The following PRKCE variants were observed in gnomAD, a reference collection of about 807,000 sequenced individuals.
PRKCE encodes protein kinase C epsilon.
A neutral mutation model predicts 85.4 loss-of-function variants in PRKCE; 16 were observed. That is an observed-to-expected ratio of 0.19 (90% CI 0.13 to 0.28). The LOEUF (loss-of-function observed/expected upper bound fraction) is 0.28, where lower values mean the gene tolerates loss of function less well. PRKCE is among the 10% of genes least tolerant of loss of function. The probability of loss-of-function intolerance (pLI) is 1.00; values close to 1 mark genes in which losing one functional copy is unlikely to be tolerated. For synonymous variants in PRKCE, 388 were observed against 371.5 expected (o/e 1.04, Z -0.51); for missense variants, 573 against 975.2 (o/e 0.59, Z 5.49).
intron 10 of PRKCE, among the ~76,000 whole-genome samples, chr2:46,042,766 C>T (rs1708287203): frequency 6.6e-6 from 1 of 152,178 alleles, no homozygotes; most frequent in African/African-American, 2.4e-5. Flanking sequence ...AGCTAGAGAC[C>T]CCCACCTAGT....
intron 2 of PRKCE, among the ~76,000 whole-genome samples, chr2:45,913,995 C>G (rs1019062439): frequency 6.6e-6 from 1 of 152,174 alleles, no homozygotes; most frequent in African/African-American, 2.4e-5. Context: ...TATTTGTGGC[C>G]TACAAACTTA....
rs1170118246 is a variant in PRKCE at position 46,010,659 on chromosome 2, A to G, written c.1437+142A>G. ...TTTACCCTTGAAAAGATCAGGATGT[A>G]TTTGAACAGCATCTTCTTTTTTAGG... is the stretch of plus-strand genomic sequence containing the variant. On this transcript the variant is annotated intron_variant, in intron 10 of 14. Coordinates refer to ENST00000306156, the MANE Select transcript of PRKCE (RefSeq NM_005400.3). 1.9e-6 allele frequency: 3 copies of G among 1,598,922 alleles called. No individual in the cohort carries two copies. The African/African-American group carries it at 4.0e-5, about 21-fold the overall frequency.
chr2:46,108,296 C>G (rs1671929948), intron 11 of PRKCE, among the ~76,000 whole-genome samples: 1 of 152,190 alleles, frequency 6.6e-6, no homozygotes, highest in African/African-American at 2.4e-5. Flanking sequence ...TTCTCCCAGT[C>G]TGTGGCTTGA....
intron 1 of PRKCE, among the ~76,000 whole-genome samples, chr2:45,817,892 C>T (rs1057494219): frequency 1.3e-5 from 2 of 152,164 alleles, no homozygotes; most frequent in Non-Finnish European, 2.9e-5. Flanking sequence ...CATCTCACTG[C>T]CTGCTCTCAA....
intron 1 of PRKCE, among the ~76,000 whole-genome samples, chr2:45,667,247 G>A (rs1239690201): frequency 1.3e-5 from 2 of 151,694 alleles, no homozygotes; most frequent in Non-Finnish European, 2.9e-5. Context: ...GGAGGGGGAG[G>A]TTGCGGTGAG....
At chr2:46,060,744 CT>C (rs112560158) in intron 10 of PRKCE, among the ~76,000 whole-genome samples, 1,594 of 139,916 alleles carry the variant, frequency 0.011, 15 homozygotes, top group African/African-American at 0.032. Context: ...TTTCTCTCTC[CT>C]TTTTTTTTTT....
At chr2:46,176,082 T>C (rs917018490) in intron 14 of PRKCE, among the ~76,000 whole-genome samples, 3 of 152,110 alleles carry the variant, frequency 2.0e-5, no homozygotes, top group Non-Finnish European at 2.9e-5. Flanking sequence ...TGAGAACCAC[T>C]GTGTTAAAAA....
intron 2 of PRKCE, among the ~76,000 whole-genome samples, chr2:45,877,058 A>G (rs762992120): frequency 6.6e-6 from 1 of 151,902 alleles, no homozygotes; most frequent in Non-Finnish European, 1.5e-5. Flanking sequence ...TTTCTGGATA[A>G]TATAACCACC....
At chr2:46,161,424 G>T (rs1677747061) in intron 14 of PRKCE, among the ~76,000 whole-genome samples, 1 of 152,236 alleles carries the variant, frequency 6.6e-6, no homozygotes, top group African/African-American at 2.4e-5. Flanking sequence ...AGAAACACAG[G>T]ATGAGACTGA....
intron 2 of PRKCE, among the ~76,000 whole-genome samples, chr2:45,864,043 C>T (rs768928404): frequency 3.5e-4 from 53 of 152,168 alleles, no homozygotes; most frequent in Non-Finnish European, 6.9e-4. Context: ...AACTGCCCTT[C>T]CTACAGCTAC....
At chr2:45,714,058 T>G (rs1679884490) in intron 1 of PRKCE, among the ~76,000 whole-genome samples, 1 of 152,244 alleles carries the variant, frequency 6.6e-6, no homozygotes, top group South Asian at 2.1e-4. Flanking sequence ...AATTATTTCA[T>G]GAACAGAGCA....
intron 10 of PRKCE, among the ~76,000 whole-genome samples, chr2:46,029,220 G>T (rs538649311): frequency 6.6e-6 from 1 of 152,274 alleles, no homozygotes; most frequent in African/African-American, 2.4e-5. Context: ...TGAGACACAG[G>T]GAGGTAGAAT....
At chr2:46,090,751 A>AGGCTCTGTGAAG (rs3835759) in intron 11 of PRKCE, among the ~76,000 whole-genome samples, 32,631 of 151,808 alleles carry the variant, frequency 0.21, 3,653 homozygotes, top group Middle Eastern at 0.33. Flanking sequence ...AAGCTGCAAA[A>AGGCTCTGTGAAG]GGCTCTGTGG....
chr2:45,935,711 G>A (rs965842728), intron 2 of PRKCE, among the ~76,000 whole-genome samples: 3 of 151,408 alleles, frequency 2.0e-5, no homozygotes, highest in South Asian at 4.2e-4. Context: ...CTTGAACCCA[G>A]GAGGCAGAGG....
chr2:46,025,653 C>T (rs1232861042), intron 10 of PRKCE, among the ~76,000 whole-genome samples: 2 of 152,202 alleles, frequency 1.3e-5, no homozygotes, highest in African/African-American at 2.4e-5. Flanking sequence ...GTCACTCTCT[C>T]GCTGTCTCAT....
intron 1 of PRKCE, among the ~76,000 whole-genome samples, chr2:45,711,346 G>C (rs1319535070): frequency 1.3e-5 from 2 of 152,154 alleles, no homozygotes; most frequent in African/African-American, 2.4e-5. Flanking sequence ...CAAGAGCGAG[G>C]ACTCAGGCCA....
At chr2:46,063,885 C>T (rs1667376244) in intron 10 of PRKCE, among the ~76,000 whole-genome samples, 1 of 152,192 alleles carries the variant, frequency 6.6e-6, no homozygotes, top group Non-Finnish European at 1.5e-5. Context: ...TTTCTAATGA[C>T]TTCACAGAAT....
At chr2:45,692,956 G>C (rs1281043420) in intron 1 of PRKCE, among the ~76,000 whole-genome samples, 1 of 152,204 alleles carries the variant, frequency 6.6e-6, no homozygotes, top group African/African-American at 2.4e-5. Context: ...GGCCTGGGAA[G>C]GAAGATGCTT....
At chr2:46,146,418 C>G (rs1400211172) in intron 12 of PRKCE, among the ~76,000 whole-genome samples, 1 of 152,234 alleles carries the variant, frequency 6.6e-6, no homozygotes, top group East Asian at 1.9e-4. Context: ...TGTCCCTATT[C>G]TAAAGAAGCT....
Sources: gnomAD v4.1 joint callset for allele counts (sites outside exome capture counted in the v4.1 genomes callset) on GRCh38, gnomAD v4.1.1 for gene constraint, MANE v1.5 for transcripts, NCBI Gene and HGNC (gene_info 2026-07-23, HGNC 2026-07-21) for gene names.